Variants in RAB3B observed in about 807,000 individuals in gnomAD.
RAB3B encodes ras-related protein Rab-3B.
A neutral mutation model predicts 20.5 loss-of-function variants in RAB3B; 11 were observed. That is an observed-to-expected ratio of 0.54 (90% CI 0.34 to 0.89). RAB3B has a LOEUF of 0.89. Among genes scored for constraint, RAB3B ranks in the 40% least tolerant of loss-of-function variants. The pLI, the probability that RAB3B is intolerant of heterozygous loss-of-function variation, is 0.02. For synonymous variants in RAB3B, 99 were observed against 106.3 expected (o/e 0.93, Z 0.42); for missense variants, 225 against 280.9 (o/e 0.80, Z 1.42).
intron 2 of RAB3B, among the ~76,000 whole-genome samples, chr1:51,970,243 C>T (rs987052226): frequency 6.6e-6 from 1 of 152,124 alleles, no homozygotes; most frequent in Non-Finnish European, 1.5e-5. Flanking sequence ...GCCCCCTCCA[C>T]TCTTCTATTC....
At chr1:51,943,636 A>G (rs1477655755) in intron 2 of RAB3B, among the ~76,000 whole-genome samples, 3 of 152,236 alleles carry the variant, frequency 2.0e-5, no homozygotes, top group Non-Finnish European at 4.4e-5. Flanking sequence ...TTGCGAACAC[A>G]TAAGTGATAA....
chr1:51,921,199 C>T (rs1313887056), intron 4 of RAB3B, among the ~76,000 whole-genome samples: 1 of 152,110 alleles, frequency 6.6e-6, no homozygotes, highest in Non-Finnish European at 1.5e-5. Context: ...TGTCTGCTTT[C>T]CTCTTTCCCT....
intron 4 of RAB3B, among the ~76,000 whole-genome samples, chr1:51,930,504 C>T: frequency 6.6e-6 from 1 of 152,174 alleles, no homozygotes; most frequent in Non-Finnish European, 1.5e-5. Context: ...CTCTTACTAG[C>T]TGTGTGACTT....
At chr1:51,946,652 G>A (rs1283819411) in intron 2 of RAB3B, among the ~76,000 whole-genome samples, 1 of 152,096 alleles carries the variant, frequency 6.6e-6, no homozygotes, top group Non-Finnish European at 1.5e-5. Flanking sequence ...AGACAGAAGG[G>A]GACTAATGTT....
At chr1:51,942,201 G>A (rs34058831) in intron 2 of RAB3B, among the ~76,000 whole-genome samples, 7,173 of 152,250 alleles carry the variant, frequency 0.047, 197 homozygotes, top group Middle Eastern at 0.075. Context: ...CGCCTGCACT[G>A]CCATCAGGCC....
intron 2 of RAB3B, among the ~76,000 whole-genome samples, chr1:51,953,318 C>T (rs559825932): frequency 6.6e-6 from 1 of 152,232 alleles, no homozygotes; most frequent in South Asian, 2.1e-4. Flanking sequence ...CCCAACTCCC[C>T]TTTGAGACAG....
chr1:51,956,332 T>A (rs968443608), intron 2 of RAB3B, among the ~76,000 whole-genome samples: 10 of 152,200 alleles, frequency 6.6e-5, no homozygotes, highest in African/African-American at 2.4e-4. Context: ...ACAAGCACTT[T>A]TCATGCACTA....
intron 1 of RAB3B, among the ~76,000 whole-genome samples, chr1:51,984,937 A>T (rs553924530): frequency 2.0e-4 from 31 of 152,356 alleles, no homozygotes; most frequent in Admixed American, 1.3e-3. Context: ...GGATTTGCCC[A>T]AATCTCATAG....
chr1:51,989,214 G>GTGTT (rs1239211939), intron 1 of RAB3B, among the ~76,000 whole-genome samples: 11 of 136,752 alleles, frequency 8.0e-5, no homozygotes, highest in Admixed American at 8.0e-4. Context: ...TGTTTTGTGT[G>GTGTT]TGTGTGTGTG....
At chr1:51,921,425 T>C (rs532950429) in intron 4 of RAB3B, among the ~76,000 whole-genome samples, 1 of 152,354 alleles carries the variant, frequency 6.6e-6, no homozygotes, top group African/African-American at 2.4e-5. Flanking sequence ...TGTGGCTGTA[T>C]TAGCGGAAAC....
intron 2 of RAB3B, among the ~76,000 whole-genome samples, chr1:51,958,654 C>T (rs1321607766): frequency 3.3e-5 from 5 of 150,664 alleles, no homozygotes; most frequent in African/African-American, 9.8e-5. Flanking sequence ...ACCCGGGAGG[C>T]GGAGGTTGCG....
At position 51,917,922 on chromosome 1, in the gene RAB3B, TGAAAA is replaced by T. The variant is rs1227442768; in HGVS notation, c.*2000_*2004del. Reference sequence around the variant, plus strand: ...CTAGGACAATGAGCCTCATTTGAAATGAAAAGAAAACTGGCGAGAGACTCCTCCTG... The same window carrying T: ...CTAGGACAATGAGCCTCATTTGAAATGAAAACTGGCGAGAGACTCCTCCTG... On this transcript the variant is annotated 3_prime_UTR_variant, in exon 5 of 5. Transcript: ENST00000371655. The T allele has an allele frequency of 6.6e-6, 1 of 152,124 alleles. No homozygotes were observed. Among genetic ancestry groups the T allele is most frequent in the African/African-American group, 2.4e-5 (1 of 41,436 alleles). 9.4% of individuals were successfully genotyped at this position (152,124 alleles called of 1,614,324 possible). A position where few individuals can be genotyped will look rare whatever the true frequency, so the allele number is the denominator to read the frequency against.
chr1:51,929,178 C>T (rs1361157597), intron 4 of RAB3B, among the ~76,000 whole-genome samples: 1 of 152,150 alleles, frequency 6.6e-6, no homozygotes, highest in Non-Finnish European at 1.5e-5. Context: ...AATTGGGAAG[C>T]CATGAATCTG....
intron 4 of RAB3B, among the ~76,000 whole-genome samples, chr1:51,927,922 A>C (rs1684266574): frequency 6.6e-6 from 1 of 152,164 alleles, no homozygotes; most frequent in South Asian, 2.1e-4. Flanking sequence ...CAGATCCAGG[A>C]AAGGGACAAG....
intron 2 of RAB3B, among the ~76,000 whole-genome samples, chr1:51,948,447 T>G (rs996672075): frequency 1.3e-5 from 2 of 152,248 alleles, no homozygotes; most frequent in African/African-American, 4.8e-5. Flanking sequence ...GCACTTCTCT[T>G]TTCCTTTCTT....
chr1:51,916,196 C>G lies in RAB3B; in HGVS notation c.*3731G>C, dbSNP rs2124222255. On this transcript the variant is annotated 3_prime_UTR_variant, in exon 5 of 5. Transcript: ENST00000371655. ...GAGGTCACAGAGCAGGGCTGGGGAG[C>G]TGCCATCTCACAAGCAGGTCTGGTT... 6.6e-6 allele frequency: 1 copy of G among 152,314 alleles called. No homozygotes were observed. The highest frequency in any genetic ancestry group is 1.9e-4 in the East Asian group (1 of 5,180). 9.4% of individuals were successfully genotyped at this position (152,314 alleles called of 1,614,324 possible).
chr1:51,926,805 T>C (rs763749211), intron 4 of RAB3B, among the ~76,000 whole-genome samples: 33 of 152,154 alleles, frequency 2.2e-4, no homozygotes, highest in South Asian at 1.2e-3. Context: ...TTAGAAAAGT[T>C]ACATAATCTT....
chr1:51,989,103 G>GCGCGCACACA (rs377673682), intron 1 of RAB3B, among the ~76,000 whole-genome samples: 23 of 132,744 alleles, frequency 1.7e-4, no homozygotes, highest in East Asian at 4.9e-4. Context: ...CTGTGCGCGC[G>GCGCGCACACA]CACACACACA....
At position 51,984,263 on chromosome 1, in the gene RAB3B, T is replaced by TAAAAAAA. The variant is rs1166997647; in HGVS notation, c.-1+6282_-1+6288dup. On this transcript the variant is annotated intron_variant, in intron 1 of 4. Coordinates refer to ENST00000371655, the MANE Select transcript of RAB3B (RefSeq NM_002867.4). The stretch of plus-strand genomic sequence containing the variant: ...CAGGCAACAGTGGAGACTCTCTAAT[T>TAAAAAAA]AAAAAAAAAAAAAAAAAAAAAAAAA... 5.3e-4 allele frequency among the ~76,000 whole-genome samples: 11 copies of TAAAAAAA among 20,676 alleles called. 1 individual carries two copies. Among genetic ancestry groups the TAAAAAAA allele is most frequent in the African/African-American group, 9.0e-4 (5 of 5,566 alleles). The allele number at this position is 20,676 out of a possible 152,430, so 13.6% of individuals were successfully genotyped here. A position where few individuals can be genotyped will look rare whatever the true frequency, so the allele number is the denominator to read the frequency against.
Sources: gnomAD v4.1 joint callset for allele counts (sites outside exome capture counted in the v4.1 genomes callset) on GRCh38, gnomAD v4.1.1 for gene constraint, MANE v1.5 for transcripts, NCBI Gene and HGNC (gene_info 2026-07-23, HGNC 2026-07-21) for gene names.